Variants in RIC8B observed in about 807,000 individuals in gnomAD.
RIC8B encodes RIC8 guanine nucleotide exchange factor B.
In RIC8B, 16 loss-of-function variants were observed where a neutral mutation model predicts 57.5. That is an observed-to-expected ratio of 0.28 (90% CI 0.19 to 0.42). The LOEUF is 0.42. RIC8B is among the 10% of genes least tolerant of loss of function. RIC8B has a pLI of 1.00. For missense variants in RIC8B, 481 were observed against 677.0 expected (o/e 0.71, Z 3.21); for synonymous variants, 216 against 250.8 (o/e 0.86, Z 1.31).
At chr12:106,837,458 TA>T (rs1163314854) in intron 4 of RIC8B, among the ~76,000 whole-genome samples, 5 of 152,130 alleles carry the variant, frequency 3.3e-5, no homozygotes, top group Admixed American at 2.0e-4. Context: ...TAATTAACTT[TA>T]AAAAAATTTT....
At position 106,794,937 on chromosome 12, in the gene RIC8B, G is replaced by A. The variant is rs116925988; in HGVS notation, c.132+10893G>A. ...GATTTTAAGAGCATTTGTATAAAACGATATGTATATAATGTATTGTTCAGT... is the reference window on the plus strand; with the variant it reads ...GATTTTAAGAGCATTTGTATAAAACAATATGTATATAATGTATTGTTCAGT... On this transcript the variant is annotated intron_variant, in intron 2 of 9. Coordinates refer to ENST00000392837, the MANE Select transcript of RIC8B (RefSeq NM_001330145.2). Among the ~76,000 whole-genome samples the A allele has an allele frequency of 2.7e-4, 41 of 152,228 alleles. No homozygotes were observed. The East Asian group carries it at 2.7e-3, about 10-fold the overall frequency.
chr12:106,872,211 C>T (rs376024408), intron 9 of RIC8B, among the ~76,000 whole-genome samples: 4 of 152,234 alleles, frequency 2.6e-5, no homozygotes. Flanking sequence ...TGTTCCCTCC[C>T]AGAAGGGATT....
chr12:106,832,006 C>G (rs568245176), intron 4 of RIC8B, among the ~76,000 whole-genome samples: 1 of 152,214 alleles, frequency 6.6e-6, no homozygotes, highest in South Asian at 2.1e-4. Flanking sequence ...ACATAGATTC[C>G]TTATTAGGGC....
At chr12:106,787,872 C>A (rs2044104869) in intron 2 of RIC8B, among the ~76,000 whole-genome samples, 1 of 152,106 alleles carries the variant, frequency 6.6e-6, no homozygotes, top group Admixed American at 6.5e-5. Flanking sequence ...CTGGCCCCTC[C>A]AAATCTCATG....
At chr12:106,843,753 C>A in intron 5 of RIC8B, 99 bp from the exon 6 acceptor site, 2 of 789,142 alleles carry the variant, frequency 2.5e-6, no homozygotes, top group South Asian at 2.1e-5. Context: ...AAGTCCCCAC[C>A]TCAAAAACAA....
At chr12:106,832,382 A>T (rs187988928) in intron 4 of RIC8B, among the ~76,000 whole-genome samples, 154 of 152,310 alleles carry the variant, frequency 1.0e-3, no homozygotes, top group African/African-American at 3.5e-3. Flanking sequence ...AGCCTGGCCA[A>T]CATGGTGAAA....
intron 2 of RIC8B, among the ~76,000 whole-genome samples, chr12:106,788,253 C>T (rs180987055): frequency 1.3e-5 from 2 of 152,182 alleles, no homozygotes; most frequent in African/African-American, 4.8e-5. Flanking sequence ...TTGGGCAGCT[C>T]CACGCCTGTG....
At chr12:106,857,870 T>C (rs1404277750) in intron 7 of RIC8B, among the ~76,000 whole-genome samples, 1 of 152,204 alleles carries the variant, frequency 6.6e-6, no homozygotes, top group Non-Finnish European at 1.5e-5. Flanking sequence ...TTTGGGTATT[T>C]TATCCTGTTA....
rs75731956 is a variant in RIC8B at position 106,886,026 on chromosome 12, T to C, written c.*11T>C. The C allele has an allele frequency of 1.1e-3, 1,681 of 1,541,404 alleles. 33 individuals are homozygous for C. The East Asian group carries it at 0.034, about 32-fold the overall frequency. On this transcript the variant is annotated 3_prime_UTR_variant, in exon 10 of 10. Transcript: ENST00000392837. Reference sequence around the variant, plus strand: ...TCTGACACAGACTAAAAGCATCACCTGCTCAACTCTCAATATTGCTTTATC... The same window carrying C: ...TCTGACACAGACTAAAAGCATCACCCGCTCAACTCTCAATATTGCTTTATC...
intron 4 of RIC8B, 97 bp from the exon 5 acceptor site, chr12:106,842,492 G>A: frequency 1.1e-6 from 1 of 912,506 alleles, no homozygotes; most frequent in Non-Finnish European, 1.6e-6. Flanking sequence ...TATTTTAATT[G>A]ACTCTTAAAA....
intron 1 of RIC8B, among the ~76,000 whole-genome samples, chr12:106,778,030 A>G (rs4964489): frequency 0.39 from 58,717 of 152,060 alleles, 11,562 homozygotes; most frequent in African/African-American, 0.46. Flanking sequence ...TATATCATAG[A>G]TTTGTTGTCA....
chr12:106,823,193 A>T lies in RIC8B; in HGVS notation c.742-2533A>T, dbSNP rs2045929694. On this transcript the variant is annotated intron_variant, in intron 3 of 9. Transcript: ENST00000392837. ...TAGATTAGTGGAGGAAACAAAGTGT[A>T]TGCAAGTAAACAAATGTGAAATTAC... 3 of 263,834 alleles carry T rather than the reference A, an allele frequency of 1.1e-5. No homozygotes were observed. In the East Asian group the frequency reaches 2.5e-4, roughly 22 times the overall value. 16.3% of individuals were successfully genotyped at this position (263,834 alleles called of 1,614,324 possible).
At chr12:106,824,178 C>G (rs1168146403) in intron 3 of RIC8B, among the ~76,000 whole-genome samples, 1 of 152,178 alleles carries the variant, frequency 6.6e-6, no homozygotes, top group African/African-American at 2.4e-5. Flanking sequence ...TGTTACCCTT[C>G]CCCCAACCTT....
At chr12:106,843,699 G>A (rs113329754) in intron 5 of RIC8B, among the ~76,000 whole-genome samples, 153 bp from the exon 6 acceptor site, 256 of 131,936 alleles carry the variant, frequency 1.9e-3, no homozygotes, top group African/African-American at 6.6e-3. Context: ...TCCAGCCTGG[G>A]CAACAGAGGG....
At position 106,774,798 on chromosome 12, in the gene RIC8B, T is replaced by C; in HGVS notation, c.53T>C (p.Ile18Thr). 1 of 1,554,222 alleles carries C rather than the reference T, an allele frequency of 6.4e-7. No individual in the cohort carries two copies. Among genetic ancestry groups the C allele is most frequent in the South Asian group, 1.2e-5 (1 of 84,208 alleles). Residue 18 changes from isoleucine (I) to threonine (T), a missense_variant, in exon 1 of 10, where the codon ATC (isoleucine) becomes ACC (threonine). Physicochemically the swap from Ile to Thr is moderately conservative, Grantham distance 89. Transcript: ENST00000392837. ...GTCCGGGCCGGCGAAGCAGGGGCTA[T>C]CGAGCGGGTCCTGAGGGATTACAGC... ...YIVRAGEAGA[I>T]ERVLRDYSDK...
Position 106,842,565 on chromosome 12 carries a change from T to C in RIC8B, c.837-24T>C, listed in dbSNP as rs200858563. The C allele has an allele frequency of 4.0e-5, 62 of 1,558,078 alleles. No homozygotes were observed. The African/African-American group carries it at 6.9e-4, about 17-fold the overall frequency. Reference sequence around the variant, plus strand: ...GGACTATTCAATCAAGTTAAAATATTGTATTTTTTTAATTGCTTTTCAGCA... The same window carrying C: ...GGACTATTCAATCAAGTTAAAATATCGTATTTTTTTAATTGCTTTTCAGCA... On this transcript the variant is annotated intron_variant, in intron 4 of 9. Coordinates refer to ENST00000392837, the MANE Select transcript of RIC8B (RefSeq NM_001330145.2).
chr12:106,839,675 G>A (rs1428486466), intron 4 of RIC8B, among the ~76,000 whole-genome samples: 1 of 152,162 alleles, frequency 6.6e-6, no homozygotes, highest in Non-Finnish European at 1.5e-5. Flanking sequence ...AAGGGAATAG[G>A]TCTTACGTTA....
chr12:106,854,327 A>G (rs1388370716), intron 7 of RIC8B, among the ~76,000 whole-genome samples: 1 of 152,186 alleles, frequency 6.6e-6, no homozygotes, highest in Non-Finnish European at 1.5e-5. Context: ...ATAAAATAAA[A>G]TAAAATAAAA....
chr12:106,840,109 A>G (rs1435524654), intron 4 of RIC8B, among the ~76,000 whole-genome samples: 2 of 152,220 alleles, frequency 1.3e-5, no homozygotes, highest in Admixed American at 1.3e-4. Flanking sequence ...GAAAAAAGAT[A>G]TGTAAGCCCC....
Sources: gnomAD v4.1 joint callset for allele counts (sites outside exome capture counted in the v4.1 genomes callset) on GRCh38, gnomAD v4.1.1 for gene constraint, MANE v1.5 for transcripts, NCBI Gene and HGNC (gene_info 2026-07-23, HGNC 2026-07-21) for gene names.